NCKAP5: variants seen among roughly 807,000 people sequenced by gnomAD.
NCKAP5 encodes the protein nck-associated protein 5.
A neutral mutation model predicts 167.0 loss-of-function variants in NCKAP5; 92 were observed. That is an observed-to-expected ratio of 0.55 (90% CI 0.47 to 0.66). The LOEUF (loss-of-function observed/expected upper bound fraction) is 0.66. Ranked by LOEUF, NCKAP5 falls within the 30% of genes least tolerant of loss-of-function variation. NCKAP5 has a pLI of 0.00. For synonymous variants in NCKAP5, 891 were observed against 877.4 expected, an observed-to-expected ratio of 1.02 and a Z score of -0.27; for missense variants, 2,378 against 2,315.0, an observed-to-expected ratio of 1.03 and a Z score of -0.56.
At chr2:133,145,328 C>A (rs147580220) in intron 5 of NCKAP5, among the ~76,000 whole-genome samples, 24 of 151,816 alleles carry the variant, frequency 1.6e-4, no homozygotes, top group Non-Finnish European at 3.1e-4. Flanking sequence ...CATCACATAC[C>A]GGGGCCTGTC....
intron 18 of NCKAP5, among the ~76,000 whole-genome samples, chr2:132,727,392 C>G (rs1452439355): frequency 6.6e-6 from 1 of 152,222 alleles, no homozygotes; most frequent in African/African-American, 2.4e-5. Flanking sequence ...AAAGCCAGCA[C>G]AGAGTCCTTT....
chr2:133,530,654 A>G (rs1253784409), intron 2 of NCKAP5, among the ~76,000 whole-genome samples: 1 of 152,154 alleles, frequency 6.6e-6, no homozygotes, highest in Non-Finnish European at 1.5e-5. Context: ...TTCTAGCTTA[A>G]GGATGGTGCT....
chr2:133,050,162 G>A (rs2079552360), intron 6 of NCKAP5, among the ~76,000 whole-genome samples: 1 of 152,166 alleles, frequency 6.6e-6, no homozygotes, highest in Admixed American at 6.5e-5. Flanking sequence ...TAGTCAAAGT[G>A]TAAGCCACTT....
intron 3 of NCKAP5, among the ~76,000 whole-genome samples, chr2:133,307,409 G>A (rs1191352518): frequency 6.6e-6 from 1 of 152,024 alleles, no homozygotes; most frequent in Non-Finnish European, 1.5e-5. Context: ...GAAAAAATAA[G>A]GACGTGATTA....
rs373844192 is a variant in NCKAP5, at chr2:132,796,665, C to T, written c.872G>A (p.Arg291Gln). ...GDLLSEVERN[R>Q]SLTQSRTDAE... The stretch of plus-strand genomic sequence containing the variant: ...ATCAGTTCGTGACTGTGTCAGACTT[C>T]GGTTTCTTTCCACCTCTGAAAGCAA... Residue 291 changes from arginine (R) to glutamine (Q), a missense_variant, in exon 12 of 20, where the codon CGA becomes CAA. Physicochemically the swap from Arg to Gln is conservative, Grantham distance 43 (BLOSUM62 1). Transcript: ENST00000409261. The T allele has an allele frequency of 7.0e-5, 113 of 1,613,232 alleles. No individual in the cohort carries two copies. The highest frequency in any genetic ancestry group is 6.7e-5 in the African/African-American group (5 of 74,880).
intron 16 of NCKAP5, among the ~76,000 whole-genome samples, chr2:132,750,074 T>C (rs1005591766): frequency 2.0e-5 from 3 of 152,228 alleles, no homozygotes; most frequent in Admixed American, 6.5e-5. Context: ...GAAACTTACG[T>C]ATGGTTGTTT....
chr2:132,724,090 T>C (rs892349374), intron 19 of NCKAP5, among the ~76,000 whole-genome samples: 9 of 152,152 alleles, frequency 5.9e-5, no homozygotes, highest in African/African-American at 2.2e-4. Flanking sequence ...GGCCATTCCC[T>C]CTACTGGGAG....
chr2:132,713,792 G>T (rs181687856), intron 19 of NCKAP5, among the ~76,000 whole-genome samples: 1 of 152,252 alleles, frequency 6.6e-6, no homozygotes, highest in African/African-American at 2.4e-5. Context: ...GCTTGTGGGG[G>T]GTTCATAAAT....
chr2:132,855,579 T>C (rs914757949), intron 11 of NCKAP5, among the ~76,000 whole-genome samples: 3 of 152,180 alleles, frequency 2.0e-5, no homozygotes, highest in African/African-American at 7.2e-5. Context: ...GGTAGATGCT[T>C]CAAACTTGTG....
intron 11 of NCKAP5, among the ~76,000 whole-genome samples, chr2:132,842,782 C>T (rs1688385513): frequency 6.6e-6 from 1 of 151,992 alleles, no homozygotes; most frequent in African/African-American, 2.4e-5. Flanking sequence ...TCAAGCAATC[C>T]TTCTGCCTCG....
At chr2:133,069,717 G>A (rs922428266) in intron 6 of NCKAP5, among the ~76,000 whole-genome samples, 5 of 152,068 alleles carry the variant, frequency 3.3e-5, no homozygotes, top group Non-Finnish European at 7.4e-5. Context: ...TTGCAAGGTA[G>A]TTGTTTGAAC....
At chr2:133,096,361 C>T (rs952520481) in intron 6 of NCKAP5, among the ~76,000 whole-genome samples, 3 of 151,866 alleles carry the variant, frequency 2.0e-5, no homozygotes, top group Non-Finnish European at 2.9e-5. Flanking sequence ...TGTGGTGGTG[C>T]GCCTGTGTCC....
chr2:133,384,363 CTATAGA>C (rs1390541545), intron 3 of NCKAP5, among the ~76,000 whole-genome samples: 2 of 152,076 alleles, frequency 1.3e-5, no homozygotes, highest in Non-Finnish European at 2.9e-5. Context: ...GATCAGATAG[CTATAGA>C]TGTGTGGTAT....
At chr2:132,876,824 TC>T (rs1452555219) in intron 9 of NCKAP5, among the ~76,000 whole-genome samples, 1 of 152,222 alleles carries the variant, frequency 6.6e-6, no homozygotes, top group Non-Finnish European at 1.5e-5. Flanking sequence ...TATATTTTTG[TC>T]CCACACATTC....
At chr2:132,720,718 C>T (rs936715948) in intron 19 of NCKAP5, among the ~76,000 whole-genome samples, 1 of 152,122 alleles carries the variant, frequency 6.6e-6, no homozygotes, top group Non-Finnish European at 1.5e-5. Context: ...AAGGGAAATT[C>T]CAGGGAACCG....
rs974692668 is a variant in NCKAP5, at chr2:133,276,620, G to A, written c.143+26417C>T. On this transcript the variant is annotated intron_variant, in intron 4 of 19. Coordinates refer to ENST00000409261, the MANE Select transcript of NCKAP5 (RefSeq NM_207363.3). Reference sequence around the variant, plus strand: ...CTAGGCCCAAAACAAACTCCCAAAGGCAGACCACTCCAATGCTCCACATTT... The same window carrying A: ...CTAGGCCCAAAACAAACTCCCAAAGACAGACCACTCCAATGCTCCACATTT... 1.3e-4 allele frequency among the ~76,000 whole-genome samples: 20 copies of A among 151,114 alleles called. 1 individual carries two copies.
intron 3 of NCKAP5, among the ~76,000 whole-genome samples, chr2:133,329,584 T>C (rs1178248735): frequency 6.6e-6 from 1 of 152,114 alleles, no homozygotes; most frequent in African/African-American, 2.4e-5. Context: ...GAGGATGGGC[T>C]TAGCAAATGA....
intron 3 of NCKAP5, among the ~76,000 whole-genome samples, chr2:133,371,207 T>C (rs1011375985): frequency 1.3e-5 from 2 of 152,206 alleles, no homozygotes; most frequent in East Asian, 3.8e-4. Context: ...CAAATTTTTG[T>C]GCAATAAACC....
the NCKAP5 span, among the ~76,000 whole-genome samples, chr2:133,576,319 G>A: frequency 3.3e-5 from 5 of 152,320 alleles, no homozygotes; most frequent in South Asian, 8.3e-4. Flanking sequence ...TAATAGTGGT[G>A]AAAAATACAT....
Sources: allele counts gnomAD v4.1 joint callset (sites outside exome capture counted in the v4.1 genomes callset), GRCh38; gene constraint gnomAD v4.1.1; transcripts MANE v1.5; gene names NCBI Gene and HGNC (gene_info 2026-07-23, HGNC 2026-07-21).